E2F3: variants seen among roughly 807,000 people sequenced by gnomAD.
The protein encoded by E2F3 is E2F transcription factor 3, also known as transcription factor E2F3.
In E2F3, 11 loss-of-function variants were observed where a neutral mutation model predicts 44.4. That is an observed-to-expected ratio of 0.25 (90% confidence interval 0.16 to 0.41). The LOEUF (loss-of-function observed/expected upper bound fraction) is 0.41. E2F3 is among the 10% of genes least tolerant of loss of function. E2F3 has a pLI of 1.00. For missense variants in E2F3, 487 were observed against 583.6 expected, an observed-to-expected ratio of 0.83 and a Z score of 1.70; for synonymous variants, 249 against 253.0, an observed-to-expected ratio of 0.98 and a Z score of 0.15.
At chr6:20,488,396 C>T in intron 6 of E2F3, 148 bp downstream of exon 6, 2 of 1,036,254 alleles carry the variant, frequency 1.9e-6, no homozygotes, top group Non-Finnish European at 2.6e-6. Flanking sequence ...GACTGGTTTG[C>T]AGAAGAAAAT....
chr6:20,406,179 A>G (rs1261597216), intron 1 of E2F3, among the ~76,000 whole-genome samples: 2 of 152,188 alleles, frequency 1.3e-5, no homozygotes, highest in Middle Eastern at 3.4e-3. Context: ...CCTTTTTTTC[A>G]ATGGGGGTAA....
chr6:20,469,002 G>T (rs1186904763), intron 1 of E2F3, among the ~76,000 whole-genome samples: 1 of 152,164 alleles, frequency 6.6e-6, no homozygotes, highest in African/African-American at 2.4e-5. Flanking sequence ...GGAGGCCAGA[G>T]AGCTTCAGGC....
At chr6:20,441,818 T>C (rs910598329) in intron 1 of E2F3, among the ~76,000 whole-genome samples, 2 of 151,626 alleles carry the variant, frequency 1.3e-5, no homozygotes, top group Non-Finnish European at 2.9e-5. Flanking sequence ...TCCACCCACC[T>C]TGGCCTCCCA....
At chr6:20,414,790 T>C (rs1448781438) in intron 1 of E2F3, among the ~76,000 whole-genome samples, 2 of 152,170 alleles carry the variant, frequency 1.3e-5, no homozygotes, top group Non-Finnish European at 2.9e-5. Context: ...GAGGCAAGGT[T>C]TTCAGCTTTG....
At chr6:20,412,337 C>T (rs1382093544) in intron 1 of E2F3, among the ~76,000 whole-genome samples, 1 of 151,990 alleles carries the variant, frequency 6.6e-6, no homozygotes, top group Non-Finnish European at 1.5e-5. Flanking sequence ...CCAGACCAAT[C>T]AGAATGTCTA....
rs999830334 is a variant in E2F3 at position 20,490,043 on chromosome 6, C to T, written c.1136-125C>T. 6.0e-5 allele frequency: 62 copies of T among 1,042,012 alleles called. No homozygotes were observed. Among genetic ancestry groups the T allele is most frequent in the Non-Finnish European group, 7.8e-5 (57 of 734,026 alleles). 64.5% of individuals were successfully genotyped at this position (1,042,012 alleles called of 1,614,324 possible). ...TAAAAGGTGATCTGCATCATAAAGTCGTCTCATTGTCATTATTTGCGGAAG... is the reference window on the plus strand; with the variant it reads ...TAAAAGGTGATCTGCATCATAAAGTTGTCTCATTGTCATTATTTGCGGAAG... On this transcript the variant is annotated intron_variant, in intron 6 of 6. Coordinates refer to ENST00000346618, the MANE Select transcript of E2F3 (RefSeq NM_001949.5). This position sits in a 1 kb window ranked among gnomAD's most constrained non-coding sequence, Gnocchi z 4.3.
chr6:20,457,407 G>A (rs907741185), intron 1 of E2F3, among the ~76,000 whole-genome samples: 4 of 133,340 alleles, frequency 3.0e-5, no homozygotes, highest in Admixed American at 8.9e-5. Flanking sequence ...CAGGCTGCTC[G>A]ATCTCTTGAC....
chr6:20,482,735 A>G (rs1490284470), intron 3 of E2F3, 27 bp from the exon 4 acceptor site: 1 of 1,570,166 alleles, frequency 6.4e-7, no homozygotes, highest in Non-Finnish European at 8.6e-7. Context: ...ATGAGTAGCC[A>G]TGAAGAGTCT....
intron 1 of E2F3, among the ~76,000 whole-genome samples, chr6:20,456,747 CTTAACTGA>C (rs1359845544): frequency 6.6e-6 from 1 of 152,064 alleles, no homozygotes; most frequent in Admixed American, 6.6e-5. Context: ...ATTCATAAAC[CTTAACTGA>C]TTGTAGAGAT....
chr6:20,470,513 C>T (rs2127614106), intron 1 of E2F3, among the ~76,000 whole-genome samples: 1 of 152,346 alleles, frequency 6.6e-6, no homozygotes, highest in East Asian at 1.9e-4. Context: ...TGAGGTTCAG[C>T]TGTGGTCTGC....
At chr6:20,450,638 C>T (rs948153499) in intron 1 of E2F3, among the ~76,000 whole-genome samples, 2 of 152,174 alleles carry the variant, frequency 1.3e-5, no homozygotes, top group African/African-American at 4.8e-5. Context: ...AATTAGATCC[C>T]ATTTGTCAAT....
At chr6:20,475,892 C>T (rs975115254) in intron 1 of E2F3, among the ~76,000 whole-genome samples, 4 of 152,170 alleles carry the variant, frequency 2.6e-5, no homozygotes, top group Admixed American at 2.6e-4. Context: ...TTCTTTGAGG[C>T]GGGCCAGCCT....
chr6:20,458,093 C>T (rs567644632), intron 1 of E2F3, among the ~76,000 whole-genome samples: 1 of 152,148 alleles, frequency 6.6e-6, no homozygotes, highest in East Asian at 1.9e-4. Flanking sequence ...TTCTTCTGAA[C>T]CTCAGAGATA....
At chr6:20,489,673 G>C (rs190701029) in intron 6 of E2F3, among the ~76,000 whole-genome samples, 29 of 152,164 alleles carry the variant, frequency 1.9e-4, no homozygotes, top group African/African-American at 6.5e-4. Flanking sequence ...TGAGTGAGTA[G>C]ACTAGGGCCA....
At chr6:20,439,531 T>G (rs970125114) in intron 1 of E2F3, among the ~76,000 whole-genome samples, 1 of 152,192 alleles carries the variant, frequency 6.6e-6, no homozygotes, top group African/African-American at 2.4e-5. Context: ...TTTCCTCCCA[T>G]TTTTTCTTTT....
At chr6:20,457,403 G>A (rs983227167) in intron 1 of E2F3, among the ~76,000 whole-genome samples, 5 of 134,682 alleles carry the variant, frequency 3.7e-5, no homozygotes, top group Admixed American at 1.7e-4. Context: ...TGGCCAGGCT[G>A]CTCGATCTCT....
At chr6:20,413,225 C>T (rs768291871) in intron 1 of E2F3, among the ~76,000 whole-genome samples, 1 of 152,170 alleles carries the variant, frequency 6.6e-6, no homozygotes, top group Non-Finnish European at 1.5e-5. Context: ...TTCAAGTTTA[C>T]CTGATTGCCT....
chr6:20,454,736 AT>A (rs1761253152), intron 1 of E2F3, among the ~76,000 whole-genome samples: 1 of 152,204 alleles, frequency 6.6e-6, no homozygotes, highest in Non-Finnish European at 1.5e-5. Context: ...TTTAAAATTA[AT>A]TTGATACCAG....
rs772050227 is a variant in E2F3 at position 20,490,420 on chromosome 6, T to C, written c.1388T>C (p.Met463Thr). 2.5e-6 allele frequency: 4 copies of C among 1,576,206 alleles called. No individual in the cohort carries two copies. The highest frequency in any genetic ancestry group is 2.2e-5 in the East Asian group (1 of 44,530). ...LEKLPLVEDF[M>T]CS ...AAGCTCCCACTGGTGGAAGACTTCA[T>C]GTGTAGTTGATTATGCTTCGTGTGA... is the stretch of plus-strand genomic sequence containing the variant. Residue 463 changes from methionine (M) to threonine (T), a missense_variant, in exon 7 of 7, where the codon ATG becomes ACG. Physicochemically the swap from Met to Thr is moderately conservative, Grantham distance 81 (BLOSUM62 -1). Transcript: ENST00000346618. The surrounding 1 kb of genome is among the most constrained non-coding windows in gnomAD (Gnocchi z 4.3).
Sources: gnomAD v4.1 joint callset for allele counts (sites outside exome capture counted in the v4.1 genomes callset) on GRCh38, gnomAD v4.1.1 for gene constraint, Gnocchi (gnomAD v3.1) non-coding constraint, MANE v1.5 for transcripts, NCBI Gene and HGNC (gene_info 2026-07-23, HGNC 2026-07-21) for gene names.